Variants in SETD5 observed in about 807,000 individuals in gnomAD.
SETD5 encodes histone-lysine N-methyltransferase SETD5.
In SETD5, 44 loss-of-function variants were observed where a neutral mutation model predicts 153.3. The observed-to-expected ratio is 0.29, with a 90% CI of 0.23 to 0.37. The LOEUF (loss-of-function observed/expected upper bound fraction) is 0.37, where lower values mean the gene tolerates loss of function less well. SETD5 is among the 10% of genes least tolerant of loss of function. SETD5 has a pLI of 1.00. For missense variants in SETD5, 1,544 were observed against 1,768.0 expected (o/e 0.87, Z 2.27); for synonymous variants, 716 against 645.2 (o/e 1.11, Z -1.66).
intron 2 of SETD5, 21 bp downstream of exon 2, chr3:9,424,547 C>G (rs2038868528): frequency 6.6e-6 from 1 of 152,126 alleles, no homozygotes; most frequent in African/African-American, 2.4e-5. Flanking sequence ...CAAGTAAATC[C>G]TTTTAATTTC....
chr3:9,412,384 T>C (rs1451064592), intron 1 of SETD5, among the ~76,000 whole-genome samples: 1 of 141,782 alleles, frequency 7.1e-6, no homozygotes. Flanking sequence ...TGCACAGTTT[T>C]GGGTTTTTTT....
At chr3:9,470,346 T>A in intron 18 of SETD5, 113 bp from the exon 19 acceptor site, 3 of 785,522 alleles carry the variant, frequency 3.8e-6, no homozygotes, top group Non-Finnish European at 6.4e-6. Flanking sequence ...TCTGCTCTAC[T>A]TCCGTCCCTC....
chr3:9,425,063 T>C (rs1298971480), intron 2 of SETD5, among the ~76,000 whole-genome samples: 1 of 144,632 alleles, frequency 6.9e-6, no homozygotes, highest in African/African-American at 2.6e-5. Context: ...TTCTTTTTTT[T>C]TTTTTTTTTT....
intron 7 of SETD5, 108 bp from the exon 8 acceptor site, chr3:9,440,348 A>G (rs1353898335): frequency 2.9e-5 from 19 of 651,130 alleles, no homozygotes; most frequent in Non-Finnish European, 4.7e-5. Flanking sequence ...TGCCACATCA[A>G]TTGCCAAGTG....
chr3:9,399,089 A>C (rs2034294189), intron 1 of SETD5, among the ~76,000 whole-genome samples: 2 of 152,334 alleles, frequency 1.3e-5, no homozygotes, highest in African/African-American at 4.8e-5. Context: ...TACTGAACGA[A>C]TCCCCAAGTT....
In SETD5 at chr3:9,464,536, C is replaced by T. The variant is rs778767895; in HGVS notation, c.2588C>T (p.Ser863Leu). 1.9e-6 allele frequency: 3 copies of T among 1,613,946 alleles called. No homozygotes were observed. Among genetic ancestry groups the T allele is most frequent in the African/African-American group, 2.7e-5 (2 of 75,034 alleles). ...PVTPPPPNSG[S>L]KSPQLATPGS... ...ACACCACCCCCTCCCAATTCAGGCT[C>T]AAAGAGTCCCCAGCTGGCCACACCT... Residue 863 changes from serine (S) to leucine (L), a missense_variant, in exon 18 of 23, where the codon TCA (serine) becomes TTA (leucine). By Grantham distance (145) the Ser-to-Leu change is moderately radical (BLOSUM62 -2). Around this residue, in one of 9 missense-constraint regions of SETD5, gnomAD observed 782 missense variants for 787.2 expected, o/e 0.99. Transcript: ENST00000402198.
At chr3:9,468,654 G>A in intron 18 of SETD5, 1 of 1,254,228 alleles carries the variant, frequency 8.0e-7, no homozygotes, top group Non-Finnish European at 1.1e-6. Flanking sequence ...GTGTGGGGAG[G>A]GCTGGGGATC....
intron 1 of SETD5, among the ~76,000 whole-genome samples, chr3:9,401,814 TA>T (rs1006753502): frequency 3.3e-5 from 5 of 152,244 alleles, no homozygotes; most frequent in Admixed American, 6.5e-5. Flanking sequence ...ATTTTATTTA[TA>T]AAAATTGTAT....
chr3:9,399,832 A>C (rs1276188692), intron 1 of SETD5, among the ~76,000 whole-genome samples: 1 of 151,368 alleles, frequency 6.6e-6, no homozygotes, highest in Non-Finnish European at 1.5e-5. Flanking sequence ...TGGTCCAAAA[A>C]AAAAAAAAAA....
At chr3:9,454,622 CAAAAAAAAAAAAAAAA>C (rs67028533) in intron 17 of SETD5, among the ~76,000 whole-genome samples, 37 of 58,042 alleles carry the variant, frequency 6.4e-4, no homozygotes, top group South Asian at 2.5e-3. Flanking sequence ...AACTCCGTCT[CAAAAAAAAAAAAAAAA>C]AAAAAAAAAA....
rs145369784 is a variant in SETD5 at position 9,475,317 on chromosome 3, A to G, written c.3720+161A>G. 8.0e-5 allele frequency: 93 copies of G among 1,160,570 alleles called. No homozygotes were observed. In the East Asian group the frequency reaches 2.3e-3, roughly 29 times the overall value. The allele number at this position is 1,160,570 out of a possible 1,614,324, so 71.9% of individuals were successfully genotyped here. A position where few individuals can be genotyped will look rare whatever the true frequency, so the allele number is the denominator to read the frequency against. ...GTCCTCAGGTAATAAATTATGCCAG[A>G]AGATGAATACGGTGATCAAAGACAG... On this transcript the variant is annotated intron_variant, in intron 22 of 22. Coordinates refer to ENST00000402198, the MANE Select transcript of SETD5 (RefSeq NM_001080517.3).
chr3:9,454,645 A>G (rs1180477909), intron 17 of SETD5, among the ~76,000 whole-genome samples: 1 of 149,208 alleles, frequency 6.7e-6, no homozygotes, highest in African/African-American at 2.4e-5. Flanking sequence ...AAAAAAAAAA[A>G]AAAAACAAAT....
At chr3:9,461,685 A>C (rs141404085) in intron 17 of SETD5, among the ~76,000 whole-genome samples, 84 of 152,322 alleles carry the variant, frequency 5.5e-4, no homozygotes, top group Non-Finnish European at 1.0e-3. Context: ...AGTACTCAGT[A>C]AATATATGTT....
chr3:9,416,118 G>A (rs2037408346), intron 1 of SETD5, among the ~76,000 whole-genome samples: 1 of 152,136 alleles, frequency 6.6e-6, no homozygotes, highest in Non-Finnish European at 1.5e-5. Flanking sequence ...GACACTCAGT[G>A]TTATTATTGA....
chr3:9,420,316 T>C (rs1288055802), intron 1 of SETD5, among the ~76,000 whole-genome samples: 2 of 152,332 alleles, frequency 1.3e-5, no homozygotes, highest in African/African-American at 4.8e-5. Flanking sequence ...CTCCACATAC[T>C]ACTAAGTATG....
chr3:9,406,478 C>T (rs1156896747), intron 1 of SETD5, among the ~76,000 whole-genome samples: 6 of 152,102 alleles, frequency 3.9e-5, no homozygotes. Context: ...CGCGGTGGCT[C>T]ACGCCTGTAA....
At chr3:9,409,654 G>A (rs886273315) in intron 1 of SETD5, among the ~76,000 whole-genome samples, 2 of 152,092 alleles carry the variant, frequency 1.3e-5, no homozygotes, top group African/African-American at 4.8e-5. Flanking sequence ...AATGAAAAAT[G>A]GTACTTAGAA....
At chr3:9,447,332 C>T (rs558365394) in intron 14 of SETD5, 25 bp downstream of exon 14, 7 of 1,592,260 alleles carry the variant, frequency 4.4e-6, no homozygotes, top group Non-Finnish European at 6.0e-6. Flanking sequence ...GACTTCAGCA[C>T]TTAGACATCC....
In SETD5 at chr3:9,437,037, T is replaced by C. The variant is rs555576924; in HGVS notation, c.567+1131T>C. On this transcript the variant is annotated intron_variant, in intron 7 of 22. Coordinates refer to ENST00000402198, the MANE Select transcript of SETD5 (RefSeq NM_001080517.3). ...TTGCCATTCAGTTTTCATAGAGCTT[T>C]TCTCCAAAGTAGATTTTCTTGGCCA... 7.4e-6 allele frequency: 5 copies of C among 674,964 alleles called. No individual in the cohort carries two copies. The South Asian group carries it at 1.0e-4, about 14-fold the overall frequency. The allele number at this position is 674,964 out of a possible 1,614,324, so 41.8% of individuals were successfully genotyped here. A position where few individuals can be genotyped will look rare whatever the true frequency, so the allele number is the denominator to read the frequency against.
Sources: allele counts gnomAD v4.1 joint callset (sites outside exome capture counted in the v4.1 genomes callset), GRCh38; gene constraint gnomAD v4.1.1; regional missense constraint gnomAD v4.1.1; transcripts MANE v1.5; gene names NCBI Gene and HGNC (gene_info 2026-07-23, HGNC 2026-07-21).